ARHGEF10: variants seen among roughly 807,000 people sequenced by gnomAD.
ARHGEF10 encodes Rho guanine nucleotide exchange factor (GEF) 10.
ARHGEF10 carries 140 observed loss-of-function variants against 147.4 expected under a neutral mutation model. The ratio of observed to expected loss-of-function variants is 0.95; its 90% CI spans 0.83 to 1.09. The LOEUF is 1.09. Among genes scored for constraint, ARHGEF10 ranks in the 50% least tolerant of loss-of-function variants. The probability of loss-of-function intolerance (pLI) is 0.00; values close to 1 mark genes in which losing one functional copy is unlikely to be tolerated. For synonymous variants in ARHGEF10, 902 were observed against 695.8 expected, an observed-to-expected ratio of 1.30 and a Z score of -4.67; for missense variants, 2,222 against 1,752.7, an observed-to-expected ratio of 1.27 and a Z score of -4.78.
chr8:1,948,561 G>A lies in ARHGEF10; in HGVS notation c.3397+2906G>A, dbSNP rs760234523. Among the ~76,000 whole-genome samples, 6 of 152,126 alleles carry A rather than the reference G, an allele frequency of 3.9e-5. No homozygotes were observed. The highest frequency in any genetic ancestry group is 7.3e-5 in the Non-Finnish European group (5 of 68,034). On this transcript the variant is annotated intron_variant, in intron 27 of 28. Coordinates refer to ENST00000349830, the MANE Select transcript of ARHGEF10 (RefSeq NM_014629.4). This position sits in a 1 kb window ranked among gnomAD's most constrained non-coding sequence, Gnocchi z 4.9. Reference sequence around the variant, plus strand: ...AGGTACACGGGTTAGAGGCAACCTCGGTGACACCAGAAGTTCAGTTTTGTT... The same window carrying A: ...AGGTACACGGGTTAGAGGCAACCTCAGTGACACCAGAAGTTCAGTTTTGTT...
chr8:1,956,934 G>T lies in ARHGEF10; in HGVS notation c.3706G>T (p.Asp1236Tyr). 1 of 1,614,184 alleles carries T rather than the reference G, an allele frequency of 6.2e-7. No homozygotes were observed. Among genetic ancestry groups the T allele is most frequent in the Non-Finnish European group, 8.5e-7 (1 of 1,180,032 alleles). The change falls in exon 29 of 29, where the codon GAC becomes TAC. Residue 1236 changes from aspartate to tyrosine, a missense_variant. Coordinates refer to ENST00000349830, the MANE Select transcript of ARHGEF10 (RefSeq NM_014629.4). ...GGAGSSLSQG[D>Y]PDAAIWLGDS... Reference sequence around the variant, plus strand: ...AGCTGGTTCATCTCTGAGCCAGGGTGACCCTGACGCAGCCATCTGGTTGGG... The same window carrying T: ...AGCTGGTTCATCTCTGAGCCAGGGTTACCCTGACGCAGCCATCTGGTTGGG...
intron 18 of ARHGEF10, among the ~76,000 whole-genome samples, chr8:1,919,684 A>G (rs1206011300): frequency 7.1e-6 from 1 of 140,358 alleles, no homozygotes; most frequent in Non-Finnish European, 1.5e-5. Flanking sequence ...TCTATGGGTG[A>G]TGAGCTGTTT....
At chr8:1,950,179 C>A (rs532015088) in intron 27 of ARHGEF10, among the ~76,000 whole-genome samples, 4 of 152,328 alleles carry the variant, frequency 2.6e-5, no homozygotes, top group African/African-American at 7.2e-5. Flanking sequence ...CCTCCCACCT[C>A]GCCAGCGGAC....
chr8:1,919,481 C>CTGTG, intron 18 of ARHGEF10, among the ~76,000 whole-genome samples: 1 of 97,156 alleles, frequency 1.0e-5, no homozygotes, highest in East Asian at 3.5e-4. Flanking sequence ...CTGTTCTGTC[C>CTGTG]AGTGATGGAG....
chr8:1,953,448 A>C (rs17683365), intron 28 of ARHGEF10, among the ~76,000 whole-genome samples: 7 of 152,246 alleles, frequency 4.6e-5, no homozygotes, highest in African/African-American at 1.7e-4. Flanking sequence ...TGCTATTGCA[A>C]TGTCAGTAAG....
At chr8:1,950,053 C>G (rs1814904071) in intron 27 of ARHGEF10, among the ~76,000 whole-genome samples, 1 of 152,172 alleles carries the variant, frequency 6.6e-6, no homozygotes, top group South Asian at 2.1e-4. Flanking sequence ...GGTGACTCCC[C>G]ACGGAGTCAC....
At chr8:1,884,786 A>G (rs1205104642) in intron 10 of ARHGEF10, among the ~76,000 whole-genome samples, 1 of 152,114 alleles carries the variant, frequency 6.6e-6, no homozygotes, top group Non-Finnish European at 1.5e-5. Context: ...TTTTTTAGAG[A>G]CAGGGTCTCA....
At chr8:1,883,444 G>GC (rs1808388693) in intron 10 of ARHGEF10, among the ~76,000 whole-genome samples, 1 of 152,126 alleles carries the variant, frequency 6.6e-6, no homozygotes, top group Non-Finnish European at 1.5e-5. Flanking sequence ...TTTCTAATGT[G>GC]CCTGTCTGGT....
rs1815630487 is a variant in ARHGEF10, at chr8:1,957,011, G to T, written c.3783G>T (p.Gly1261=). ...AAAGCGACCTGTCCTCCTCATCTGG[G>T]TCCCTGAGCTTGTCTCACGGCTCCA... ...TQKSDLSSSS[G]SLSLSHGSSS... Residue 1261 remains glycine, a synonymous_variant, in exon 29 of 29, where the codon GGG becomes GGT. Coordinates refer to ENST00000349830, the MANE Select transcript of ARHGEF10 (RefSeq NM_014629.4). The T allele has an allele frequency of 2.5e-6, 4 of 1,614,102 alleles. No individual in the cohort carries two copies. The highest frequency in any genetic ancestry group is 3.4e-6 in the Non-Finnish European group (4 of 1,180,046).
At chr8:1,901,796 G>A (rs1048176658) in intron 15 of ARHGEF10, among the ~76,000 whole-genome samples, 3 of 152,156 alleles carry the variant, frequency 2.0e-5, no homozygotes, top group Non-Finnish European at 4.4e-5. Flanking sequence ...GATAGAATTC[G>A]TTGTGACTCA....
intron 1 of ARHGEF10, among the ~76,000 whole-genome samples, chr8:1,841,880 TGGGG>T (rs1804079031): frequency 1.0e-4 from 10 of 100,198 alleles, no homozygotes; most frequent in Admixed American, 6.7e-4. Flanking sequence ...CGGCGGGAAC[TGGGG>T]CCGCGGCGGG....
At position 1,903,301 on chromosome 8, in the gene ARHGEF10, C is replaced by T; in HGVS notation, c.1671C>T (p.Ser557=). Residue 557 remains serine, a synonymous_variant, in exon 16 of 29, where the codon TCC becomes TCT. Transcript: ENST00000349830. ...LLLQDMLKNT[S]KGHPDRLPLQ... ...TGTAGGACATGCTGAAGAACACCTC[C>T]AAAGGCCACCCCGACAGGCTGCCTC... The T allele has an allele frequency of 6.2e-7, 1 of 1,614,118 alleles. No homozygotes were observed. Among genetic ancestry groups the T allele is most frequent in the Non-Finnish European group, 8.5e-7 (1 of 1,180,030 alleles).
Position 1,845,719 on chromosome 8 carries a change from CGGTACCACCACCTGGATT to C in ARHGEF10, c.37+2285_37+2302del, listed in dbSNP as rs1229660189. Among the ~76,000 whole-genome samples, 3 of 152,332 alleles carry C rather than the reference CGGTACCACCACCTGGATT, an allele frequency of 2.0e-5. No individual in the cohort carries two copies. The East Asian group carries it at 5.8e-4, about 29-fold the overall frequency. ...TGGCACCCTGAGGAGCTCTGCCCAG[CGGTACCACCACCTGGATT>C]GCATGAAATGCCCATCCACCCATGG... On this transcript the variant is annotated intron_variant, in intron 2 of 28. Coordinates refer to ENST00000349830, the MANE Select transcript of ARHGEF10 (RefSeq NM_014629.4).
At chr8:1,926,077 C>A (rs896121273) in intron 22 of ARHGEF10, among the ~76,000 whole-genome samples, 17 of 152,180 alleles carry the variant, frequency 1.1e-4, no homozygotes, top group African/African-American at 3.9e-4. Flanking sequence ...GTACTTGATG[C>A]CTGCAGGGCC....
rs557389941 is a variant in ARHGEF10, at chr8:1,916,090, G to C, written c.2143+6620G>C. 7.2e-5 allele frequency among the ~76,000 whole-genome samples: 11 copies of C among 152,348 alleles called. No individual in the cohort carries two copies. In the South Asian group the frequency reaches 2.3e-3, roughly 32 times the overall value. ...GCCAGTCATTCCCATAAGTCTCGTG[G>C]AGAAGACTCCCTCAGGAAAGTGCAG... On this transcript the variant is annotated intron_variant, in intron 18 of 28. Transcript: ENST00000349830.
At chr8:1,920,202 T>C (rs929686502) in intron 18 of ARHGEF10, among the ~76,000 whole-genome samples, 1 of 152,204 alleles carries the variant, frequency 6.6e-6, no homozygotes, top group Non-Finnish European at 1.5e-5. Context: ...TGTGAAAATA[T>C]ATAGAGCCGC....
chr8:1,823,364 G>T (rs1040050118), upstream of ARHGEF10, among the ~76,000 whole-genome samples: 26 of 152,072 alleles, frequency 1.7e-4, no homozygotes, highest in Admixed American at 3.9e-4. Context: ...GGAGGGACGG[G>T]GGCTCAAGGG....
chr8:1,955,023 G>A (rs1003038018), intron 28 of ARHGEF10, among the ~76,000 whole-genome samples: 5 of 144,286 alleles, frequency 3.5e-5, no homozygotes, highest in South Asian at 2.2e-4. Context: ...CTGAAAGGAG[G>A]TGCACTCTCA....
chr8:1,870,288 T>G (rs909428024), intron 7 of ARHGEF10: 1 of 150,144 alleles, frequency 6.7e-6, no homozygotes, highest in African/African-American at 2.5e-5. Context: ...TTGCGTTTTA[T>G]GGGTAACTGC....
Sources: gnomAD v4.1 joint callset for allele counts (sites outside exome capture counted in the v4.1 genomes callset) on GRCh38, gnomAD v4.1.1 for gene constraint, Gnocchi (gnomAD v3.1) non-coding constraint, MANE v1.5 for transcripts, NCBI Gene and HGNC (gene_info 2026-07-23, HGNC 2026-07-21) for gene names.